Variants in TBC1D1 observed in about 807,000 individuals in gnomAD.
TBC1D1 encodes TBC1 (tre-2/USP6, BUB2, cdc16) domain family, member 1.
TBC1D1 carries 89 observed loss-of-function variants against 125.6 expected under a neutral mutation model. The observed-to-expected ratio is 0.71, with a 90% CI of 0.60 to 0.85. TBC1D1 has a LOEUF of 0.85. Ranked by LOEUF, TBC1D1 falls within the 40% of genes least tolerant of loss-of-function variation. TBC1D1 has a pLI of 0.00. For synonymous variants in TBC1D1, 565 were observed against 564.1 expected, an observed-to-expected ratio of 1.00 and a Z score of -0.02; for missense variants, 1,377 against 1,469.2, an observed-to-expected ratio of 0.94 and a Z score of 1.03.
At chr4:37,997,114 A>G (rs1737968850) in intron 2 of TBC1D1, among the ~76,000 whole-genome samples, 1 of 152,272 alleles carries the variant, frequency 6.6e-6, no homozygotes, top group Admixed American at 6.5e-5. Flanking sequence ...ATTCCTGAGA[A>G]GGAACAAGAG....
intron 2 of TBC1D1, among the ~76,000 whole-genome samples, chr4:38,001,610 C>T (rs1739102708): frequency 6.6e-6 from 1 of 152,188 alleles, no homozygotes; most frequent in South Asian, 2.1e-4. Context: ...TTAGCATAAA[C>T]TCAGGTACAG....
chr4:38,120,419 TA>T (rs1475098715), intron 17 of TBC1D1, among the ~76,000 whole-genome samples: 9 of 152,232 alleles, frequency 5.9e-5, no homozygotes. Flanking sequence ...ACTGATGACT[TA>T]GAGAATGGTG....
In TBC1D1 at chr4:38,003,079, C is replaced by G. The variant is rs1420859182; in HGVS notation, c.418-11430C>G. ...GTTTTTCTATTCTGTTTCTTTGTTT[C>G]CATCTTACAATACCTACTGTTCTGC... is the stretch of plus-strand genomic sequence containing the variant. On this transcript the variant is annotated intron_variant, in intron 2 of 19. Coordinates refer to ENST00000261439, the MANE Select transcript of TBC1D1 (RefSeq NM_015173.4). 8.5e-5 allele frequency among the ~76,000 whole-genome samples: 13 copies of G among 152,194 alleles called. No individual in the cohort carries two copies. In the East Asian group the frequency reaches 2.5e-3, roughly 29 times the overall value.
rs191147424 is a variant in TBC1D1, at chr4:37,947,660, T to A, written c.417+45148T>A. ...TGTTTGTGGAGGCAGGGTCTCACTA[T>A]GTTGCCCAGGCATAATACATACTTC... On this transcript the variant is annotated intron_variant, in intron 2 of 19. Coordinates refer to ENST00000261439, the MANE Select transcript of TBC1D1 (RefSeq NM_015173.4). 1.3e-4 allele frequency among the ~76,000 whole-genome samples: 20 copies of A among 152,324 alleles called. No individual in the cohort carries two copies. In the East Asian group the frequency reaches 3.5e-3, roughly 26 times the overall value.
intron 12 of TBC1D1, among the ~76,000 whole-genome samples, chr4:38,072,000 C>T (rs1322130081): frequency 1.3e-5 from 2 of 152,102 alleles, no homozygotes; most frequent in African/African-American, 4.8e-5. Context: ...TGGGGTTGGG[C>T]GGGTCTGGGC....
chr4:38,081,597 A>G (rs1369747185), intron 12 of TBC1D1, among the ~76,000 whole-genome samples: 3 of 152,152 alleles, frequency 2.0e-5, no homozygotes, highest in African/African-American at 7.2e-5. Flanking sequence ...CAACAGAAAG[A>G]TTTTGCCAAA....
chr4:37,894,615 G>T (rs886855504), intron 1 of TBC1D1, among the ~76,000 whole-genome samples: 1 of 152,180 alleles, frequency 6.6e-6, no homozygotes, highest in Non-Finnish European at 1.5e-5. Flanking sequence ...AGCCCTATAG[G>T]TTTGTTGCCA....
At chr4:38,090,747 G>GAGT (rs1758288512) in intron 13 of TBC1D1, among the ~76,000 whole-genome samples, 1 of 152,186 alleles carries the variant, frequency 6.6e-6, no homozygotes, top group African/African-American at 2.4e-5. Flanking sequence ...GAAAGAGCAT[G>GAGT]AGTCTTAGGG....
At chr4:38,049,162 C>T (rs1433908112) in intron 10 of TBC1D1, among the ~76,000 whole-genome samples, 4 of 152,128 alleles carry the variant, frequency 2.6e-5, no homozygotes, top group Non-Finnish European at 5.9e-5. Flanking sequence ...ATTATGAAGT[C>T]GAATCTCAAC....
intron 2 of TBC1D1, among the ~76,000 whole-genome samples, chr4:37,981,495 A>T (rs1734327927): frequency 6.6e-6 from 1 of 152,168 alleles, no homozygotes; most frequent in Middle Eastern, 3.2e-3. Flanking sequence ...GATGGGAGAG[A>T]TAGCAAAGCA....
intron 2 of TBC1D1, among the ~76,000 whole-genome samples, chr4:37,943,509 G>A (rs922965749): frequency 3.9e-5 from 6 of 152,094 alleles, no homozygotes; most frequent in South Asian, 2.1e-4. Context: ...ACATAGTCCC[G>A]TATTTCTTGG....
chr4:38,126,213 A>G (rs189396866), intron 18 of TBC1D1, among the ~76,000 whole-genome samples: 400 of 152,352 alleles, frequency 2.6e-3, no homozygotes, highest in Non-Finnish European at 4.2e-3. Context: ...AAACATAGAA[A>G]AGGTACAATA....
intron 2 of TBC1D1, among the ~76,000 whole-genome samples, chr4:37,974,396 A>G (rs1185598961): frequency 1.3e-5 from 2 of 151,860 alleles, no homozygotes; most frequent in African/African-American, 4.8e-5. Context: ...ATGTCCAGCT[A>G]ATTTATTTTT....
At chr4:37,915,103 C>T (rs931616735) in intron 2 of TBC1D1, among the ~76,000 whole-genome samples, 1 of 152,216 alleles carries the variant, frequency 6.6e-6, no homozygotes, top group Admixed American at 6.5e-5. Flanking sequence ...CACTGCTAGT[C>T]CCTGGCACCT....
chr4:38,005,676 C>T (rs757487310), intron 2 of TBC1D1, among the ~76,000 whole-genome samples: 16 of 152,214 alleles, frequency 1.1e-4, no homozygotes, highest in Middle Eastern at 3.2e-3. Context: ...AAGTCCTGCC[C>T]TCAGAGATCT....
intron 15 of TBC1D1, among the ~76,000 whole-genome samples, chr4:38,108,816 A>G (rs1180509041): frequency 6.6e-6 from 1 of 152,266 alleles, no homozygotes; most frequent in Non-Finnish European, 1.5e-5. Flanking sequence ...GAGAAGTAGG[A>G]GAACGGTTGG....
At position 37,902,245 on chromosome 4, in the gene TBC1D1, C is replaced by T. The variant is rs759100452; in HGVS notation, c.150C>T (p.Leu50=). 9 of 1,614,086 alleles carry T rather than the reference C, an allele frequency of 5.6e-6. No homozygotes were observed. The highest frequency in any genetic ancestry group is 7.6e-6 in the Non-Finnish European group (9 of 1,180,032). ...GGGTTGTGGCTGAGGTGCGAAGACTCAGCAGGCAGTCCACCAGAAAGGAAC... is the reference window on the plus strand; with the variant it reads ...GGGTTGTGGCTGAGGTGCGAAGACTTAGCAGGCAGTCCACCAGAAAGGAAC... The change falls in exon 2 of 20, where the codon CTC becomes CTT. Residue 50 remains leucine (L), a synonymous_variant. Transcript: ENST00000261439.
chr4:37,918,013 C>A (rs545479811), intron 2 of TBC1D1, among the ~76,000 whole-genome samples: 22 of 152,194 alleles, frequency 1.4e-4, no homozygotes. Context: ...TGTGCTACTT[C>A]CATGATGTTA....
intron 2 of TBC1D1, among the ~76,000 whole-genome samples, chr4:37,974,640 G>A (rs570152230): frequency 1.1e-4 from 16 of 152,182 alleles, no homozygotes; most frequent in African/African-American, 3.4e-4. Flanking sequence ...TCACTGCAAC[G>A]TAGGCCTCCC....
Sources: gnomAD v4.1 joint callset for allele counts (sites outside exome capture counted in the v4.1 genomes callset) on GRCh38, gnomAD v4.1.1 for gene constraint, MANE v1.5 for transcripts, NCBI Gene and HGNC (gene_info 2026-07-23, HGNC 2026-07-21) for gene names.